Variants in CDH6 observed in about 807,000 individuals in gnomAD.
CDH6 encodes cadherin 6, also known as cadherin-6.
Under a neutral mutation model 78.0 loss-of-function variants are expected in CDH6, and 31 were observed. The observed-to-expected ratio is 0.40, with a 90% CI of 0.30 to 0.54. CDH6 has a LOEUF of 0.54. Ranked by LOEUF, CDH6 falls within the 20% of genes least tolerant of loss-of-function variation. The pLI is 0.56. For missense variants in CDH6, 724 were observed against 975.9 expected, an observed-to-expected ratio of 0.74 and a Z score of 3.44; for synonymous variants, 376 against 368.8, an observed-to-expected ratio of 1.02 and a Z score of -0.23.
At chr5:31,236,110 G>A (rs1453454653) in intron 1 of CDH6, among the ~76,000 whole-genome samples, 7 of 151,804 alleles carry the variant, frequency 4.6e-5, no homozygotes, top group South Asian at 2.1e-4. Context: ...TTTATTATGC[G>A]GTATAAATTT....
At position 31,326,520 on chromosome 5, in the gene CDH6, T is replaced by A. The variant is rs917944841; in HGVS notation, c.*3212T>A. On this transcript the variant is annotated 3_prime_UTR_variant, in exon 12 of 12. Transcript: ENST00000265071. Reference sequence around the variant, plus strand: ...TAAATAGATGTTTCTTTCAGAACTTTCCTGCCTTTACAGTTTGTGTCCATA... The same window carrying A: ...TAAATAGATGTTTCTTTCAGAACTTACCTGCCTTTACAGTTTGTGTCCATA... 22 of 192,752 alleles carry A rather than the reference T, an allele frequency of 1.1e-4. No individual in the cohort carries two copies. Among genetic ancestry groups the A allele is most frequent in the African/African-American group, 4.9e-4 (21 of 43,092 alleles). 11.9% of individuals were successfully genotyped at this position (192,752 alleles called of 1,614,324 possible).
chr5:31,261,249 T>G (rs1365205529), intron 1 of CDH6, among the ~76,000 whole-genome samples: 1 of 152,182 alleles, frequency 6.6e-6, no homozygotes, highest in Non-Finnish European at 1.5e-5. Context: ...GGCAGGACTC[T>G]TGAGATTTCA....
chr5:31,199,222 C>A lies in CDH6; in HGVS notation c.-129+5336C>A, dbSNP rs1407166057. On this transcript the variant is annotated intron_variant, in intron 1 of 11. Coordinates refer to ENST00000265071, the MANE Select transcript of CDH6 (RefSeq NM_004932.4). Reference sequence around the variant, plus strand: ...TACATGGTAAATATATATATATACACACACATACACACACACACATATGTG... The same window carrying A: ...TACATGGTAAATATATATATATACAAACACATACACACACACACATATGTG... Among the ~76,000 whole-genome samples the A allele has an allele frequency of 3.3e-5, 5 of 151,614 alleles. No individual in the cohort carries two copies. The South Asian group carries it at 1.0e-3, about 32-fold the overall frequency.
chr5:31,203,477 T>G (rs995463260), intron 1 of CDH6, among the ~76,000 whole-genome samples: 4 of 134,356 alleles, frequency 3.0e-5, no homozygotes, highest in African/African-American at 8.4e-5. Flanking sequence ...AATTCCCACC[T>G]ATGAGTGAGA....
At chr5:31,285,874 T>A (rs1020137614) in intron 2 of CDH6, among the ~76,000 whole-genome samples, 3 of 152,194 alleles carry the variant, frequency 2.0e-5, no homozygotes, top group South Asian at 2.1e-4. Context: ...AAGAAATGCT[T>A]TCAGGTCTGA....
At chr5:31,238,166 T>C (rs1409693224) in intron 1 of CDH6, among the ~76,000 whole-genome samples, 3 of 152,332 alleles carry the variant, frequency 2.0e-5, no homozygotes, top group African/African-American at 7.2e-5. Context: ...TTAAATTATC[T>C]TAAGGGGTAC....
intron 6 of CDH6, 109 bp from the exon 7 acceptor site, chr5:31,305,065 T>C: frequency 9.3e-7 from 1 of 1,074,096 alleles, no homozygotes; most frequent in South Asian, 1.6e-5. Flanking sequence ...CTAAGCAATA[T>C]GATCGCATTC....
intron 1 of CDH6, among the ~76,000 whole-genome samples, chr5:31,243,573 G>C (rs569465237): frequency 4.6e-5 from 7 of 152,180 alleles, no homozygotes; most frequent in Non-Finnish European, 8.8e-5. Flanking sequence ...GCTTGGAATT[G>C]TCCTTCCAAT....
intron 1 of CDH6, among the ~76,000 whole-genome samples, chr5:31,226,049 T>C (rs146236866): frequency 6.6e-6 from 1 of 152,302 alleles, no homozygotes; most frequent in East Asian, 1.9e-4. Context: ...ATAGGGTTTT[T>C]CCTGAAATAA....
At chr5:31,316,360 GA>G in intron 9 of CDH6, 31 bp downstream of exon 9, 1 of 1,584,456 alleles carries the variant, frequency 6.3e-7, no homozygotes, top group South Asian at 1.1e-5. Flanking sequence ...TATTCAAGTT[GA>G]ACATCAGATT....
In CDH6 at chr5:31,275,504, T is replaced by C. The variant is rs147949843; in HGVS notation, c.228+7803T>C. ...TTCACTTAGGATAATGGCCTCCAGC[T>C]GCATCCATGTTGTTACAAAGGACAT... On this transcript the variant is annotated intron_variant, in intron 2 of 11. Transcript: ENST00000265071. 5.3e-3 allele frequency among the ~76,000 whole-genome samples: 809 copies of C among 152,322 alleles called. 5 individuals are homozygous for C. The highest frequency in any genetic ancestry group is 8.3e-3 in the Non-Finnish European group (568 of 68,024).
chr5:31,196,191 A>T (rs1740159801), intron 1 of CDH6, among the ~76,000 whole-genome samples: 1 of 152,228 alleles, frequency 6.6e-6, no homozygotes, highest in Non-Finnish European at 1.5e-5. Context: ...GGAAAAACTT[A>T]GTGAGGCACT....
At chr5:31,213,452 C>G (rs914285613) in intron 1 of CDH6, among the ~76,000 whole-genome samples, 1 of 152,086 alleles carries the variant, frequency 6.6e-6, no homozygotes, top group Non-Finnish European at 1.5e-5. Context: ...GTGAAAGGCT[C>G]TAGAGCGTGG....
rs767781956 is a variant in CDH6, at chr5:31,294,113, G to A, written c.380G>A (p.Arg127Gln). The A allele has an allele frequency of 7.4e-6, 12 of 1,613,656 alleles. No individual in the cohort carries two copies. Among genetic ancestry groups the A allele is most frequent in the Admixed American group, 5.0e-5 (3 of 59,946 alleles). The change falls in exon 3 of 12, where the codon CGA (arginine) becomes CAA (glutamine). Residue 127 changes from arginine (R) to glutamine (Q), a missense_variant. Coordinates refer to ENST00000265071, the MANE Select transcript of CDH6 (RefSeq NM_004932.4). This position sits in a 1 kb window ranked among gnomAD's most constrained non-coding sequence, Gnocchi z 4.1. ...DREEKPVYIL[R>Q]AQAINRRTGR... ...GAAGAAAAACCCGTTTACATCCTTC[G>A]AGCTCAAGCTATAAACAGAAGGACA... is the stretch of plus-strand genomic sequence containing the variant.
At chr5:31,211,640 C>CA (rs199658666) in intron 1 of CDH6, among the ~76,000 whole-genome samples, 8,944 of 151,480 alleles carry the variant, frequency 0.059, 415 homozygotes, top group South Asian at 0.21. Context: ...TAATTTTAGG[C>CA]AAAAAAATGA....
chr5:31,310,290 C>T (rs1429945721), intron 7 of CDH6, among the ~76,000 whole-genome samples: 1 of 152,224 alleles, frequency 6.6e-6, no homozygotes, highest in Admixed American at 6.5e-5. Context: ...AAATAATCTC[C>T]TTTGACTCCA....
At position 31,323,220 on chromosome 5, in the gene CDH6, A is replaced by C. The variant is rs755701273; in HGVS notation, c.2285A>C (p.Gln762Pro). ...GAGTCAGTGACCACGGATGCAGATC[A>C]AGACTATGATTACCTTAGTGACTGG... ...SLESVTTDAD[Q>P]DYDYLSDWGP... The change falls in exon 12 of 12, where the codon CAA (glutamine) becomes CCA (proline). Residue 762 changes from glutamine to proline, a missense_variant. Physicochemically the swap from Gln to Pro is moderately conservative, Grantham distance 76. Around this residue, in one of 3 missense-constraint regions of CDH6, gnomAD observed 220 missense variants for 240.6 expected, o/e 0.91. Transcript: ENST00000265071. 54 of 1,614,096 alleles carry C rather than the reference A, an allele frequency of 3.3e-5. No individual in the cohort carries two copies. Among genetic ancestry groups the C allele is most frequent in the Non-Finnish European group, 4.5e-5 (53 of 1,180,036 alleles).
At chr5:31,258,796 T>C (rs1742128416) in intron 1 of CDH6, among the ~76,000 whole-genome samples, 1 of 152,126 alleles carries the variant, frequency 6.6e-6, no homozygotes, top group African/African-American at 2.4e-5. Context: ...GAGACCTCCG[T>C]TGGTGTTATT....
intron 7 of CDH6, among the ~76,000 whole-genome samples, chr5:31,310,519 G>A (rs988384814): frequency 2.6e-5 from 4 of 152,204 alleles, no homozygotes; most frequent in Admixed American, 6.5e-5. Flanking sequence ...ACTAAGCAGT[G>A]CCCCAGTGTG....
Sources: allele counts gnomAD v4.1 joint callset (sites outside exome capture counted in the v4.1 genomes callset), GRCh38; gene constraint gnomAD v4.1.1; regional missense constraint gnomAD v4.1.1; non-coding constraint Gnocchi (gnomAD v3.1); transcripts MANE v1.5; gene names NCBI Gene and HGNC (gene_info 2026-07-23, HGNC 2026-07-21).